Variants in MIA3 observed in about 807,000 individuals in gnomAD.
MIA3 encodes MIA SH3 domain ER export factor 3, also known as transport and Golgi organization protein 1 homolog.
MIA3 carries 90 observed loss-of-function variants against 192.4 expected under a neutral mutation model. The ratio of observed to expected loss-of-function variants is 0.47; its 90% confidence interval spans 0.39 to 0.56. The LOEUF (loss-of-function observed/expected upper bound fraction) is 0.56. Ranked by LOEUF, MIA3 falls within the 20% of genes least tolerant of loss-of-function variation. The pLI, the probability that MIA3 is intolerant of heterozygous loss-of-function variation, is 0.00. For missense variants in MIA3, 2,123 were observed against 2,269.4 expected (o/e 0.94, Z 1.31); for synonymous variants, 740 against 792.8 (o/e 0.93, Z 1.12).
chr1:222,652,755 G>A (rs974688066), intron 13 of MIA3, among the ~76,000 whole-genome samples: 18 of 152,216 alleles, frequency 1.2e-4, no homozygotes, highest in Non-Finnish European at 5.9e-5. Context: ...CCTTCTGGAA[G>A]TGAATTATTT....
chr1:222,654,585 C>A, intron 17 of MIA3, 70 bp from the exon 18 acceptor site: 1 of 1,571,326 alleles, frequency 6.4e-7, no homozygotes, highest in Non-Finnish European at 8.7e-7. Context: ...TTTCTCTCAG[C>A]ACCAGCCCCC....
intron 6 of MIA3, among the ~76,000 whole-genome samples, chr1:222,643,059 A>G (rs576295874): frequency 1.2e-4 from 18 of 152,298 alleles, no homozygotes; most frequent in African/African-American, 4.3e-4. Flanking sequence ...TCCAGTAATC[A>G]AATTTACGAA....
At chr1:222,651,891 T>C (rs1473788815) in intron 11 of MIA3, 86 bp from the exon 12 acceptor site, 1 of 811,978 alleles carries the variant, frequency 1.2e-6, no homozygotes, top group Non-Finnish European at 2.2e-6. Context: ...GGACATACTT[T>C]GTTGATGTTT....
Position 222,618,263 on chromosome 1 carries a change from G to T in MIA3, c.133+20G>T, listed in dbSNP as rs912997177. 3 of 1,383,976 alleles carry T rather than the reference G, an allele frequency of 2.2e-6. No individual in the cohort carries two copies. Among genetic ancestry groups the T allele is most frequent in the Non-Finnish European group, 2.9e-6 (3 of 1,044,692 alleles). The allele number at this position is 1,383,976 out of a possible 1,614,324, so 85.7% of individuals were successfully genotyped here. A position where few individuals can be genotyped will look rare whatever the true frequency, so the allele number is the denominator to read the frequency against. ...GCAGCAGTGAGTGCGCTGGAGGGGC[G>T]GCTGGCCTCGGGGCGGCTGGCCTTG... is the stretch of plus-strand genomic sequence containing the variant. On this transcript the variant is annotated intron_variant, in intron 1 of 27. Coordinates refer to ENST00000344922, the MANE Select transcript of MIA3 (RefSeq NM_198551.4).
chr1:222,635,768 C>T (rs1026121222), intron 6 of MIA3, among the ~76,000 whole-genome samples: 1 of 152,070 alleles, frequency 6.6e-6, no homozygotes, highest in African/African-American at 2.4e-5. Context: ...TGGAAGAGAC[C>T]TTAGAAGCTA....
At chr1:222,652,878 C>T (rs1410252300) in intron 13 of MIA3, 130 bp from the exon 14 acceptor site, 4 of 967,260 alleles carry the variant, frequency 4.1e-6, no homozygotes, top group Middle Eastern at 2.7e-4. Context: ...CCCACTTAAC[C>T]AAGGTCTTAG....
Position 222,629,468 on chromosome 1 carries a change from C to G in MIA3, c.2248C>G (p.Gln750Glu). The G allele has an allele frequency of 6.2e-7, 1 of 1,614,126 alleles. No individual in the cohort carries two copies. The highest frequency in any genetic ancestry group is 2.2e-5 in the East Asian group (1 of 44,880). Reference sequence around the variant, plus strand: ...GTCTAAAGAAAAAAACCCTGGGAATCAGGGCAGGCAGTTTGATGTTAATCT... The same window carrying G: ...GTCTAAAGAAAAAAACCCTGGGAATGAGGGCAGGCAGTTTGATGTTAATCT... ...KRSKEKNPGN[Q>E]GRQFDVNLQV... Residue 750 changes from glutamine (Q) to glutamate (E), a missense_variant, in exon 4 of 28, where the codon CAG (glutamine) becomes GAG (glutamate). Transcript: ENST00000344922.
At chr1:222,643,718 C>T (rs536313153) in intron 6 of MIA3, among the ~76,000 whole-genome samples, 1 of 151,986 alleles carries the variant, frequency 6.6e-6, no homozygotes, top group Admixed American at 6.5e-5. Context: ...ATGGCTTGAG[C>T]CCCGGAGTTC....
chr1:222,628,767 C>T lies in MIA3; in HGVS notation c.1547C>T (p.Thr516Ile), dbSNP rs1662244169. ...SMPAAEKGKDTLKSAYDDTEN... is the reference protein window; with the variant it reads ...SMPAAEKGKDILKSAYDDTEN... Reference sequence around the variant, plus strand: ...CCAGCTGCTGAAAAGGGTAAAGACACATTAAAATCAGCTTATGATGATACA... The same window carrying T: ...CCAGCTGCTGAAAAGGGTAAAGACATATTAAAATCAGCTTATGATGATACA... The change falls in exon 4 of 28, where the codon ACA (threonine) becomes ATA (isoleucine). Residue 516 changes from threonine (T) to isoleucine (I), a missense_variant. Thr to Ile is a moderately conservative substitution (Grantham distance 89, BLOSUM62 -1). This residue lies in a region of MIA3 where 1,357 missense variants were observed against 1,396.1 expected (regional missense o/e 0.97). Transcript: ENST00000344922. 2 of 1,614,114 alleles carry T rather than the reference C, an allele frequency of 1.2e-6. No homozygotes were observed. The highest frequency in any genetic ancestry group is 1.7e-6 in the Non-Finnish European group (2 of 1,180,030).
chr1:222,648,918 A>G lies in MIA3; in HGVS notation c.3631+68A>G, dbSNP rs371768650. 128 of 1,027,890 alleles carry G rather than the reference A, an allele frequency of 1.2e-4. 1 individual carries two copies. In the African/African-American group the frequency reaches 1.9e-3, roughly 15 times the overall value. 63.7% of individuals were successfully genotyped at this position (1,027,890 alleles called of 1,614,324 possible). A position where few individuals can be genotyped will look rare whatever the true frequency, so the allele number is the denominator to read the frequency against. Reference sequence around the variant, plus strand: ...TATTGGTGTTTGATATGGATTTTATATATAAGTAGTTTTAGTAACTTCTGA... The same window carrying G: ...TATTGGTGTTTGATATGGATTTTATGTATAAGTAGTTTTAGTAACTTCTGA... On this transcript the variant is annotated intron_variant, in intron 8 of 27. Coordinates refer to ENST00000344922, the MANE Select transcript of MIA3 (RefSeq NM_198551.4).
chr1:222,644,161 C>T (rs554723177), intron 6 of MIA3: 39 of 553,700 alleles, frequency 7.0e-5, no homozygotes, highest in South Asian at 1.9e-4. Flanking sequence ...TCACTTCCGC[C>T]TCTTTTTACT....
At chr1:222,634,658 C>A (rs139245783) in intron 6 of MIA3, among the ~76,000 whole-genome samples, 53 of 152,244 alleles carry the variant, frequency 3.5e-4, no homozygotes, top group African/African-American at 1.2e-3. Context: ...GAGGACTAAG[C>A]AAGCTCTTGA....
In MIA3 at chr1:222,659,766, T is replaced by G; in HGVS notation, c.4839T>G (p.Ala1613=). 6.2e-6 allele frequency: 10 copies of G among 1,614,156 alleles called. No individual in the cohort carries two copies. Among genetic ancestry groups the G allele is most frequent in the Non-Finnish European group, 8.5e-6 (10 of 1,180,006 alleles). The change falls in exon 22 of 28, where the codon GCT becomes GCG. Residue 1613 remains alanine (A), a synonymous_variant. Transcript: ENST00000344922. The stretch of plus-strand genomic sequence containing the variant: ...CTCGTGCTGCAGAAAGAGCTATAGC[T>G]GAAGAGAAAAGGGAAGCTGCCAATT... ...LKARAAERAI[A]EEKREAANLR...
intron 18 of MIA3, 69 bp from the exon 19 acceptor site, chr1:222,658,653 T>C: frequency 9.7e-7 from 1 of 1,027,006 alleles, no homozygotes; most frequent in Non-Finnish European, 1.5e-6. Context: ...TGAGATTTTA[T>C]TGGAGTATTC....
chr1:222,662,180 A>T, intron 25 of MIA3, 56 bp downstream of exon 25: 1 of 1,477,524 alleles, frequency 6.8e-7, no homozygotes, highest in Non-Finnish European at 9.3e-7. Context: ...TGGGGAGAGG[A>T]TTTTTTTTTT....
chr1:222,643,149 C>G (rs766504429), intron 6 of MIA3, among the ~76,000 whole-genome samples: 20 of 147,196 alleles, frequency 1.4e-4, no homozygotes, highest in Non-Finnish European at 2.7e-4. Context: ...GAGACAGTCA[C>G]TCAATTTTTT....
At chr1:222,662,487 C>T (rs1571911916) in intron 26 of MIA3, 155 bp downstream of exon 26, 2 of 1,459,898 alleles carry the variant, frequency 1.4e-6, no homozygotes, top group South Asian at 2.8e-5. Context: ...CTGAAGTCCC[C>T]TCAGTTCCCA....
chr1:222,632,402 C>T, intron 5 of MIA3, 76 bp downstream of exon 5: 1 of 1,295,666 alleles, frequency 7.7e-7, no homozygotes, highest in Non-Finnish European at 1.1e-6. Flanking sequence ...TTGTCAAAGG[C>T]AGGAGCTAGA....
Position 222,633,153 on chromosome 1 carries a change from G to A in MIA3, c.3381G>A (p.Lys1127=). Residue 1127 remains lysine (K), a synonymous_variant, in exon 6 of 28, where the codon AAG becomes AAA. Transcript: ENST00000344922. ...CTATGGATGCTATTGATGCAAACAA[G>A]CAACCAGAGACAGCCGCCGAAGAGC... ...DTPMDAIDAN[K]QPETAAEEPA... The A allele has an allele frequency of 1.2e-6, 2 of 1,613,962 alleles. No individual in the cohort carries two copies.
Sources: allele counts gnomAD v4.1 joint callset (sites outside exome capture counted in the v4.1 genomes callset), GRCh38; gene constraint gnomAD v4.1.1; regional missense constraint gnomAD v4.1.1; transcripts MANE v1.5; gene names NCBI Gene and HGNC (gene_info 2026-07-23, HGNC 2026-07-21).